Variants in CTNNA3 observed in about 807,000 individuals in gnomAD.
CTNNA3 encodes catenin alpha-3.
In CTNNA3, 76 loss-of-function variants were observed where a neutral mutation model predicts 95.7. The ratio of observed to expected loss-of-function variants is 0.79; its 90% CI spans 0.66 to 0.96. The LOEUF is 0.96. CTNNA3 is among the 40% of genes least tolerant of loss of function. The probability of loss-of-function intolerance (pLI) is 0.00; values close to 1 mark genes in which losing one functional copy is unlikely to be tolerated. For missense variants in CTNNA3, 1,191 were observed against 1,089.8 expected (o/e 1.09, Z -1.31); for synonymous variants, 431 against 374.4 (o/e 1.15, Z -1.74).
intron 13 of CTNNA3, among the ~76,000 whole-genome samples, chr10:66,108,136 A>G (rs953373040): frequency 6.6e-6 from 1 of 152,154 alleles, no homozygotes; most frequent in Admixed American, 6.5e-5. Flanking sequence ...TTGCAATGTC[A>G]AAATGGAGAG....
At chr10:67,598,442 C>T (rs2088715) in intron 3 of CTNNA3, among the ~76,000 whole-genome samples, 5 of 152,172 alleles carry the variant, frequency 3.3e-5, no homozygotes, top group Middle Eastern at 3.4e-3. Flanking sequence ...CTTCCTCCCC[C>T]CTTCAGCCCA....
chr10:66,747,020 C>A (rs1441765949), intron 9 of CTNNA3, among the ~76,000 whole-genome samples: 4 of 152,004 alleles, frequency 2.6e-5, no homozygotes, highest in South Asian at 2.1e-4. Flanking sequence ...AAAAAAAAGT[C>A]TTTTCATCAA....
chr10:67,629,693 G>A (rs921405695), intron 2 of CTNNA3, among the ~76,000 whole-genome samples: 2 of 152,170 alleles, frequency 1.3e-5, no homozygotes, highest in Non-Finnish European at 2.9e-5. Context: ...TGGCCCAGTG[G>A]TCTGGGAACT....
intron 11 of CTNNA3, among the ~76,000 whole-genome samples, chr10:66,462,334 T>G (rs1467030734): frequency 6.6e-6 from 1 of 152,104 alleles, no homozygotes; most frequent in Non-Finnish European, 1.5e-5. Flanking sequence ...TTAGTTTGCT[T>G]TTTCTTGGAA....
intron 13 of CTNNA3, among the ~76,000 whole-genome samples, chr10:66,215,311 C>G (rs1056043598): frequency 6.6e-6 from 1 of 152,130 alleles, no homozygotes; most frequent in Admixed American, 6.5e-5. Flanking sequence ...AGTGTTTGAG[C>G]CAACCCAAGC....
chr10:67,747,140 G>A (rs1428253124), intron 1 of CTNNA3, among the ~76,000 whole-genome samples: 2 of 152,232 alleles, frequency 1.3e-5, no homozygotes, highest in Non-Finnish European at 2.9e-5. Context: ...CCCTGGGCCT[G>A]AGCCCCTAGT....
intron 5 of CTNNA3, among the ~76,000 whole-genome samples, chr10:67,247,165 C>G (rs1865938158): frequency 6.6e-6 from 1 of 151,992 alleles, no homozygotes. Context: ...TTTAAGAAAG[C>G]CAAAGAAATA....
chr10:67,623,972 C>T (rs1427406296), intron 2 of CTNNA3, among the ~76,000 whole-genome samples: 1 of 152,066 alleles, frequency 6.6e-6, no homozygotes, highest in Non-Finnish European at 1.5e-5. Context: ...CAGGCATGCA[C>T]CACCACGCCT....
At chr10:66,358,593 T>C (rs889913889) in intron 12 of CTNNA3, among the ~76,000 whole-genome samples, 1 of 152,196 alleles carries the variant, frequency 6.6e-6, no homozygotes, top group Non-Finnish European at 1.5e-5. Context: ...ATAAACTGCC[T>C]GACCTAGTGG....
In CTNNA3 at chr10:67,559,770, A is replaced by T. The variant is rs373072530; in HGVS notation, c.293-20101T>A. Reference sequence around the variant, plus strand: ...TATAGACGAATGTACAACTAGAATAACCAATACAGAGAAGTGCTTAAAGGA... The same window carrying T: ...TATAGACGAATGTACAACTAGAATATCCAATACAGAGAAGTGCTTAAAGGA... On this transcript the variant is annotated intron_variant, in intron 3 of 17. Coordinates refer to ENST00000433211, the MANE Select transcript of CTNNA3 (RefSeq NM_013266.4). Among the ~76,000 whole-genome samples, 12 of 152,340 alleles carry T rather than the reference A, an allele frequency of 7.9e-5. No homozygotes were observed. The East Asian group carries it at 1.5e-3, about 20-fold the overall frequency.
intron 2 of CTNNA3, among the ~76,000 whole-genome samples, chr10:67,645,651 A>C (rs1027576632): frequency 6.6e-6 from 1 of 152,116 alleles, no homozygotes; most frequent in African/African-American, 2.4e-5. Flanking sequence ...ATTTGTAACT[A>C]ATTCTAGTGA....
chr10:66,782,772 A>G (rs1239853864), intron 7 of CTNNA3, among the ~76,000 whole-genome samples: 1 of 152,164 alleles, frequency 6.6e-6, no homozygotes, highest in Non-Finnish European at 1.5e-5. Context: ...TTTTTAACAA[A>G]AATAATATCT....
intron 1 of CTNNA3, among the ~76,000 whole-genome samples, chr10:67,679,676 A>C (rs1052862483): frequency 7.2e-5 from 11 of 152,188 alleles, no homozygotes; most frequent in Admixed American, 6.5e-4. Context: ...TTTTTAAAAA[A>C]ATCATTGCTA....
chr10:67,348,939 A>G (rs1010629794), intron 5 of CTNNA3, among the ~76,000 whole-genome samples: 2 of 152,216 alleles, frequency 1.3e-5, no homozygotes, highest in African/African-American at 4.8e-5. Flanking sequence ...ACTATGTCAC[A>G]GTATCTATGT....
chr10:67,517,032 G>T (rs1839838774), intron 5 of CTNNA3, among the ~76,000 whole-genome samples: 1 of 151,960 alleles, frequency 6.6e-6, no homozygotes, highest in African/African-American at 2.4e-5. Context: ...TCAATATCTT[G>T]GCTGTTGTGA....
intron 5 of CTNNA3, among the ~76,000 whole-genome samples, chr10:67,349,138 C>T (rs1181355336): frequency 1.3e-5 from 2 of 152,106 alleles, no homozygotes; most frequent in Non-Finnish European, 2.9e-5. Context: ...CTATGGAAAA[C>T]AACATGAAGT....
chr10:66,291,584 G>A (rs968451206), intron 12 of CTNNA3, among the ~76,000 whole-genome samples: 3 of 151,918 alleles, frequency 2.0e-5, no homozygotes, highest in African/African-American at 7.3e-5. Context: ...TGCAGTTCTC[G>A]GTCAGTTAGA....
intron 11 of CTNNA3, among the ~76,000 whole-genome samples, chr10:66,430,689 T>G (rs1234367818): frequency 6.6e-6 from 1 of 152,204 alleles, no homozygotes; most frequent in Non-Finnish European, 1.5e-5. Context: ...CTGGGAAAAC[T>G]GGCTAGCCAT....
intron 6 of CTNNA3, among the ~76,000 whole-genome samples, chr10:67,205,513 C>G (rs1469298715): frequency 6.6e-6 from 1 of 152,114 alleles, no homozygotes; most frequent in Non-Finnish European, 1.5e-5. Context: ...AACATTCTAT[C>G]AAAATCTCCC....
Sources: gnomAD v4.1 joint callset for allele counts (sites outside exome capture counted in the v4.1 genomes callset) on GRCh38, gnomAD v4.1.1 for gene constraint, MANE v1.5 for transcripts, NCBI Gene and HGNC (gene_info 2026-07-23, HGNC 2026-07-21) for gene names.